Variants in FCRL5 observed in about 807,000 individuals in gnomAD.
FCRL5 encodes the protein Fc receptor-like protein 5.
In FCRL5, 79 loss-of-function variants were observed where a neutral mutation model predicts 92.1. The observed-to-expected ratio is 0.86, with a 90% CI of 0.72 to 1.03. FCRL5 has a LOEUF of 1.03. Ranked by LOEUF, FCRL5 falls within the 50% of genes least tolerant of loss-of-function variation. FCRL5 has a pLI of 0.00. For missense variants in FCRL5, 1,160 were observed against 1,181.1 expected, an observed-to-expected ratio of 0.98 and a Z score of 0.26; for synonymous variants, 466 against 469.3, an observed-to-expected ratio of 0.99 and a Z score of 0.09.
Position 157,519,787 on chromosome 1 carries a change from A to G in FCRL5, c.2633-17T>C. On this transcript the variant is annotated splice_polypyrimidine_tract_variant and intron_variant, in intron 12 of 16. Transcript: ENST00000361835. Reference sequence around the variant, plus strand: ...GCTTTCTCCCTGTAAAGGAAAGCAGAGGAGCATTGGATTCAGGAAGATGAG... The same window carrying G: ...GCTTTCTCCCTGTAAAGGAAAGCAGGGGAGCATTGGATTCAGGAAGATGAG... The G allele has an allele frequency of 6.2e-7, 1 of 1,613,884 alleles. No individual in the cohort carries two copies. The highest frequency in any genetic ancestry group is 8.5e-7 in the Non-Finnish European group (1 of 1,179,908).
chr1:157,544,618 C>A, intron 4 of FCRL5, 72 bp from the exon 5 acceptor site: 2 of 1,546,268 alleles, frequency 1.3e-6, no homozygotes, highest in East Asian at 2.3e-5. Flanking sequence ...ACACTTCAAG[C>A]AGCAGCACAT....
In FCRL5 at chr1:157,551,858, A is replaced by G. The variant is rs139316857; in HGVS notation, c.31+474T>C. Among the ~76,000 whole-genome samples the G allele has an allele frequency of 1.9e-3, 294 of 152,242 alleles. 1 individual carries two copies. The highest frequency in any genetic ancestry group is 6.8e-3 in the African/African-American group (283 of 41,554). ...TCCACCCCATGTTCTTAATCAGCCA[A>G]TTGCTGCAGTGGTTTGCAATTATGT... On this transcript the variant is annotated intron_variant, in intron 1 of 16. Transcript: ENST00000361835.
Position 157,524,409 on chromosome 1 carries a change from G to T in FCRL5, c.2109C>A (p.Ile703=). The T allele has an allele frequency of 6.2e-7, 1 of 1,614,262 alleles. No individual in the cohort carries two copies. Among genetic ancestry groups the T allele is most frequent in the Non-Finnish European group, 8.5e-7 (1 of 1,180,044 alleles). The change falls in exon 10 of 17, where the codon ATC becomes ATA. Residue 703 remains isoleucine, a synonymous_variant. Coordinates refer to ENST00000361835, the MANE Select transcript of FCRL5 (RefSeq NM_031281.3). Reference sequence around the variant, plus strand: ...AGGCCCCTCCTCCAGAGGGGGCTGAGATCTTACCCAGGGTGACATCTTCAT... The same window carrying T: ...AGGCCCCTCCTCCAGAGGGGGCTGATATCTTACCCAGGGTGACATCTTCAT... The part of the protein sequence containing the change: ...FYHEDVTLGK[I]SAPSGGGASF...
intron 5 of FCRL5, among the ~76,000 whole-genome samples, chr1:157,543,658 G>A (rs1651377649): frequency 1.3e-5 from 2 of 152,260 alleles, no homozygotes; most frequent in South Asian, 4.2e-4. Context: ...TGAGTGGAGG[G>A]ATGACACAGG....
intron 5 of FCRL5, 93 bp from the exon 6 acceptor site, chr1:157,543,230 C>T: frequency 7.8e-7 from 1 of 1,278,322 alleles, no homozygotes; most frequent in Non-Finnish European, 1.1e-6. Context: ...CTCCAGTCTC[C>T]ACCCTTAACT....
At chr1:157,526,950 T>C (rs1193505473) in intron 9 of FCRL5, among the ~76,000 whole-genome samples, 1 of 152,148 alleles carries the variant, frequency 6.6e-6, no homozygotes, top group Non-Finnish European at 1.5e-5. Context: ...AAGGGGATTA[T>C]ACATGTGACC....
In FCRL5 at chr1:157,548,898, G is replaced by C. The variant is rs547482289; in HGVS notation, c.52+662C>G. On this transcript the variant is annotated intron_variant, in intron 2 of 16. Coordinates refer to ENST00000361835, the MANE Select transcript of FCRL5 (RefSeq NM_031281.3). Reference sequence around the variant, plus strand: ...GTGGCGATTCCTCAGGGATCTAGAAGCAGAAATACCATTTGACCCAGCCAT... The same window carrying C: ...GTGGCGATTCCTCAGGGATCTAGAACCAGAAATACCATTTGACCCAGCCAT... Among the ~76,000 whole-genome samples the C allele has an allele frequency of 2.0e-5, 3 of 152,216 alleles. No homozygotes were observed. The South Asian group carries it at 6.2e-4, about 32-fold the overall frequency.
intron 9 of FCRL5, among the ~76,000 whole-genome samples, chr1:157,526,211 T>C (rs1650419512): frequency 6.6e-6 from 1 of 152,120 alleles, no homozygotes; most frequent in Non-Finnish European, 1.5e-5. Flanking sequence ...GAAGAAATGG[T>C]AAACAACATG....
At chr1:157,536,784 C>T (rs59656423) in intron 7 of FCRL5, among the ~76,000 whole-genome samples, 9,934 of 152,220 alleles carry the variant, frequency 0.065, 827 homozygotes, top group African/African-American at 0.19. Flanking sequence ...TCAGGGACCC[C>T]GAATGGAGGG....
At chr1:157,530,540 A>G (rs1650651222) in intron 8 of FCRL5, among the ~76,000 whole-genome samples, 1 of 151,960 alleles carries the variant, frequency 6.6e-6, no homozygotes, top group African/African-American at 2.4e-5. Context: ...CTAATTTTGT[A>G]TTTTCAGTAG....
At chr1:157,519,341 G>A (rs533624844) in intron 13 of FCRL5, among the ~76,000 whole-genome samples, 6 of 152,124 alleles carry the variant, frequency 3.9e-5, no homozygotes, top group Non-Finnish European at 7.3e-5. Flanking sequence ...CAAGTTGTGC[G>A]GCTCCATCTT....
intron 1 of FCRL5, among the ~76,000 whole-genome samples, chr1:157,550,266 G>A (rs1651756049): frequency 6.6e-6 from 1 of 152,164 alleles, no homozygotes; most frequent in Non-Finnish European, 1.5e-5. Flanking sequence ...TTTCAAGGAG[G>A]AGATTGACAA....
Position 157,514,819 on chromosome 1 carries a change from T to C in FCRL5, c.*856A>G, listed in dbSNP as rs1243438172. On this transcript the variant is annotated 3_prime_UTR_variant, in exon 17 of 17. Transcript: ENST00000361835. ...TAGGGAAGCCAGAATACCTCCCGGA[T>C]TTCCTAGGGAGTGCACTGGATTTTA... is the stretch of plus-strand genomic sequence containing the variant. 1 of 152,236 alleles carries C rather than the reference T, an allele frequency of 6.6e-6. No homozygotes were observed. The highest frequency in any genetic ancestry group is 1.5e-5 in the Non-Finnish European group (1 of 68,042). 9.4% of individuals were successfully genotyped at this position (152,236 alleles called of 1,614,324 possible). A position where few individuals can be genotyped will look rare whatever the true frequency, so the allele number is the denominator to read the frequency against.
At chr1:157,537,896 T>C (rs1651050979) in intron 7 of FCRL5, among the ~76,000 whole-genome samples, 3 of 152,232 alleles carry the variant, frequency 2.0e-5, no homozygotes, top group African/African-American at 7.2e-5. Flanking sequence ...TTTCATCTGC[T>C]CCTGCAGCCA....
chr1:157,524,522 G>A lies in FCRL5; in HGVS notation c.1996C>T (p.Pro666Ser). 1 of 1,613,070 alleles carries A rather than the reference G, an allele frequency of 6.2e-7. No homozygotes were observed. ...TCCCCCACCACAGCCTGGGCCCTGGGAGCCCTGAAGGTGAGGATGGGACGA... is the reference window on the plus strand; with the variant it reads ...TCCCCCACCACAGCCTGGGCCCTGGAAGCCCTGAAGGTGAGGATGGGACGA... ...VSRPILTFRA[P>S]RAQAVVGDLL... Residue 666 changes from proline to serine, a missense_variant, in exon 10 of 17, where the codon CCC (proline) becomes TCC (serine). Physicochemically the swap from Pro to Ser is moderately conservative, Grantham distance 74. Transcript: ENST00000361835.
Position 157,539,300 on chromosome 1 carries a change from C to T in FCRL5, c.1188G>A (p.Lys396=). ...SPEDLIFEGA[K]VTLHCEAQRG... is the part of the protein sequence containing the mutation. ...TCTGGGCTTCACAGTGAAGTGTCAC[C>T]TTGGCTCCCTCAAAAATCAGGTCCT... The change falls in exon 7 of 17, where the codon AAG becomes AAA. Residue 396 remains lysine, a synonymous_variant. Transcript: ENST00000361835. The T allele has an allele frequency of 6.2e-7, 1 of 1,614,138 alleles. No individual in the cohort carries two copies. Among genetic ancestry groups the T allele is most frequent in the Non-Finnish European group, 8.5e-7 (1 of 1,180,014 alleles).
In FCRL5 at chr1:157,524,331, T is replaced by G; in HGVS notation, c.2187A>C (p.Ala729=). 1 of 1,614,272 alleles carries G rather than the reference T, an allele frequency of 6.2e-7. No individual in the cohort carries two copies. The change falls in exon 10 of 17, where the codon GCA becomes GCC. Residue 729 remains alanine, a synonymous_variant. Coordinates refer to ENST00000361835, the MANE Select transcript of FCRL5 (RefSeq NM_031281.3). ...TEHSGIYSCE[A]DNGLEAQRSE... ...TGCGCTGGGCCTCCAGACCATTGTC[T>G]GCCTCACAGGAGTAGATTCCAGAAT...
intron 10 of FCRL5, 36 bp downstream of exon 10, chr1:157,524,243 T>A: frequency 1.2e-6 from 2 of 1,611,886 alleles, no homozygotes; most frequent in South Asian, 2.2e-5. Flanking sequence ...CACAGTCAGT[T>A]CTCAGATGTG....
chr1:157,546,206 G>A (rs1651527492), intron 3 of FCRL5: 1 of 445,320 alleles, frequency 2.2e-6, no homozygotes, highest in Non-Finnish European at 4.5e-6. Context: ...CCAGCGCTTT[G>A]AGAGGCCTAG....
Sources: gnomAD v4.1 joint callset for allele counts (sites outside exome capture counted in the v4.1 genomes callset) on GRCh38, gnomAD v4.1.1 for gene constraint, MANE v1.5 for transcripts, NCBI Gene and HGNC (gene_info 2026-07-23, HGNC 2026-07-21) for gene names.